Variants in USP33 observed in about 807,000 individuals in gnomAD.
USP33 encodes ubiquitin specific peptidase 33, also known as ubiquitin carboxyl-terminal hydrolase 33.
Under a neutral mutation model 124.2 loss-of-function variants are expected in USP33, and 46 were observed. The ratio of observed to expected loss-of-function variants is 0.37; its 90% CI spans 0.29 to 0.47. The LOEUF (loss-of-function observed/expected upper bound fraction) is 0.47. Ranked by LOEUF, USP33 falls within the 20% of genes least tolerant of loss-of-function variation. The pLI, the probability that USP33 is intolerant of heterozygous loss-of-function variation, is 0.99. For synonymous variants in USP33, 350 were observed against 352.3 expected, an observed-to-expected ratio of 0.99 and a Z score of 0.07; for missense variants, 851 against 1,070.6, an observed-to-expected ratio of 0.79 and a Z score of 2.86.
At chr1:77,734,234 G>T (rs1256497662) in intron 7 of USP33, 113 bp downstream of exon 7, 12 of 797,232 alleles carry the variant, frequency 1.5e-5, no homozygotes, top group Admixed American at 3.0e-5. Context: ...TCCCAAACCA[G>T]ATTCTTGCCT....
chr1:77,725,842 T>G lies in USP33; in HGVS notation c.1136-80A>C, dbSNP rs889622050. The G allele has an allele frequency of 4.7e-6, 6 of 1,273,262 alleles. No individual in the cohort carries two copies. In the African/African-American group the frequency reaches 7.6e-5, roughly 16 times the overall value. The allele number at this position is 1,273,262 out of a possible 1,614,324, so 78.9% of individuals were successfully genotyped here. On this transcript the variant is annotated intron_variant, in intron 10 of 23. Transcript: ENST00000370794. ...TCCAATAATGTTAAAGGTTTCTTAATTTGATATTTTGAACACAATCATATT... is the reference window on the plus strand; with the variant it reads ...TCCAATAATGTTAAAGGTTTCTTAAGTTGATATTTTGAACACAATCATATT...
intron 1 of USP33, among the ~76,000 whole-genome samples, chr1:77,748,647 G>C (rs1386195983): frequency 6.8e-6 from 1 of 147,632 alleles, no homozygotes; most frequent in Admixed American, 6.9e-5. Context: ...CCATCCTGGC[G>C]ACACAGCGAG....
At chr1:77,756,163 G>A (rs1680781713) in intron 1 of USP33, among the ~76,000 whole-genome samples, 1 of 152,032 alleles carries the variant, frequency 6.6e-6, no homozygotes, top group Non-Finnish European at 1.5e-5. Context: ...GGTTGGACTT[G>A]AACTTCTGGG....
chr1:77,705,450 C>T (rs1204990276), intron 21 of USP33, among the ~76,000 whole-genome samples: 2 of 152,064 alleles, frequency 1.3e-5, no homozygotes, highest in East Asian at 1.9e-4. Context: ...CTGCCTCAGC[C>T]TCCCAAGGTG....
chr1:77,717,750 G>A, intron 17 of USP33, 117 bp downstream of exon 17: 1 of 904,604 alleles, frequency 1.1e-6, no homozygotes, highest in Non-Finnish European at 1.5e-6. Context: ...CTTTAATTAA[G>A]TGATTCTCCC....
chr1:77,727,989 G>GC (rs1400888344), intron 10 of USP33, among the ~76,000 whole-genome samples: 1 of 152,066 alleles, frequency 6.6e-6, no homozygotes, highest in East Asian at 1.9e-4. Context: ...TTCCAGGATC[G>GC]CAACATAATT....
At chr1:77,713,466 C>T in intron 19 of USP33, 185 bp from the exon 20 acceptor site, 1 of 501,916 alleles carries the variant, frequency 2.0e-6, no homozygotes, top group Non-Finnish European at 3.4e-6. Context: ...TCACAGCAGC[C>T]TCAAAATTCC....
Position 77,713,193 on chromosome 1 carries a change from A to C in USP33, c.2297+7T>G. On this transcript the variant is annotated splice_region_variant and intron_variant, in intron 20 of 23. Coordinates refer to ENST00000370794, the MANE Select transcript of USP33 (RefSeq NM_201624.3). ...CAACACTGTATGGTCTGATTTAAAAAACAAACCTGCTATATAGGTTATCCC... is the reference window on the plus strand; with the variant it reads ...CAACACTGTATGGTCTGATTTAAAACACAAACCTGCTATATAGGTTATCCC... 1 of 1,598,152 alleles carries C rather than the reference A, an allele frequency of 6.3e-7. No individual in the cohort carries two copies. Among genetic ancestry groups the C allele is most frequent in the Non-Finnish European group, 8.5e-7 (1 of 1,175,378 alleles).
At chr1:77,757,532 C>A (rs905322606) in intron 1 of USP33, among the ~76,000 whole-genome samples, 1 of 152,218 alleles carries the variant, frequency 6.6e-6, no homozygotes, top group Non-Finnish European at 1.5e-5. Context: ...CCTGCAGACA[C>A]ATGTACACTT....
At chr1:77,753,633 T>C (rs1680547367) in intron 1 of USP33, among the ~76,000 whole-genome samples, 1 of 151,998 alleles carries the variant, frequency 6.6e-6, no homozygotes, top group South Asian at 2.1e-4. Flanking sequence ...TCTTATAAGA[T>C]AGCACTGTAC....
At chr1:77,727,503 G>C (rs1380698375) in intron 10 of USP33, among the ~76,000 whole-genome samples, 1 of 152,174 alleles carries the variant, frequency 6.6e-6, no homozygotes, top group African/African-American at 2.4e-5. Flanking sequence ...CGATTAGAAA[G>C]CATCTGTGCA....
At chr1:77,755,267 T>C (rs1354342861) in intron 1 of USP33, among the ~76,000 whole-genome samples, 1 of 152,198 alleles carries the variant, frequency 6.6e-6, no homozygotes, top group Non-Finnish European at 1.5e-5. Flanking sequence ...AGAAAACAAA[T>C]GCTATCACCA....
At chr1:77,715,900 A>G (rs1440613721) in intron 17 of USP33, 32 bp from the exon 18 acceptor site, 30 of 1,600,202 alleles carry the variant, frequency 1.9e-5, no homozygotes, top group Non-Finnish European at 2.5e-5. Flanking sequence ...TCATTACAGT[A>G]ATACAAAAAC....
rs771744626 is a variant in USP33 at position 77,723,451 on chromosome 1, T to C, written c.1277-8A>G. Reference sequence around the variant, plus strand: ...TTGGAGATGCAGACTGAGCTAGGATTGAAAAACATTAAAAAAAAATCAAAG... The same window carrying C: ...TTGGAGATGCAGACTGAGCTAGGATCGAAAAACATTAAAAAAAAATCAAAG... On this transcript the variant is annotated splice_region_variant and splice_polypyrimidine_tract_variant and intron_variant, in intron 11 of 23. Coordinates refer to ENST00000370794, the MANE Select transcript of USP33 (RefSeq NM_201624.3). 1.9e-5 allele frequency: 29 copies of C among 1,564,468 alleles called. No homozygotes were observed. Among genetic ancestry groups the C allele is most frequent in the Non-Finnish European group, 5.2e-6 (6 of 1,151,880 alleles).
intron 18 of USP33, 74 bp from the exon 19 acceptor site, chr1:77,714,857 T>C: frequency 6.8e-7 from 1 of 1,480,838 alleles, no homozygotes; most frequent in Non-Finnish European, 9.3e-7. Flanking sequence ...TTTCTTCTTA[T>C]TAGACTTAAC....
intron 1 of USP33, among the ~76,000 whole-genome samples, chr1:77,753,418 C>A (rs373252393): frequency 6.6e-6 from 1 of 151,696 alleles, no homozygotes; most frequent in South Asian, 2.1e-4. Context: ...TGATACCCAC[C>A]CCCCATCTTT....
intron 1 of USP33, among the ~76,000 whole-genome samples, chr1:77,753,880 A>T (rs1472817125): frequency 2.0e-5 from 3 of 151,346 alleles, no homozygotes; most frequent in African/African-American, 7.3e-5. Context: ...TACTTAGAAG[A>T]GGGTGATATA....
chr1:77,697,966 G>T, intron 22 of USP33, 35 bp from the exon 23 acceptor site: 3 of 1,558,078 alleles, frequency 1.9e-6, no homozygotes, highest in Non-Finnish European at 2.6e-6. Context: ...ATTTTTCAAA[G>T]AAATGTAACA....
chr1:77,753,828 C>T (rs550730924), intron 1 of USP33, among the ~76,000 whole-genome samples: 261 of 149,456 alleles, frequency 1.7e-3, no homozygotes, highest in African/African-American at 6.1e-3. Flanking sequence ...ACACATAATA[C>T]GTTAATATAT....
Sources: allele counts gnomAD v4.1 joint callset (sites outside exome capture counted in the v4.1 genomes callset), GRCh38; gene constraint gnomAD v4.1.1; transcripts MANE v1.5; gene names NCBI Gene and HGNC (gene_info 2026-07-23, HGNC 2026-07-21).